UCK1: variants seen among roughly 807,000 people sequenced by gnomAD.
UCK1 encodes the protein cytidine monophosphokinase 1.
In UCK1, 20 loss-of-function variants were observed where a neutral mutation model predicts 34.0. The ratio of observed to expected loss-of-function variants is 0.59; its 90% CI spans 0.41 to 0.86. UCK1 has a LOEUF of 0.86. Ranked by LOEUF, UCK1 falls within the 40% of genes least tolerant of loss-of-function variation. The pLI, the probability that UCK1 is intolerant of heterozygous loss-of-function variation, is 0.00. For synonymous variants in UCK1, 168 were observed against 155.9 expected, an observed-to-expected ratio of 1.08 and a Z score of -0.58; for missense variants, 343 against 383.6, an observed-to-expected ratio of 0.89 and a Z score of 0.88.
chr9:131,528,895 T>C (rs747011188), intron 5 of UCK1, 49 bp downstream of exon 5: 22 of 1,603,296 alleles, frequency 1.4e-5, no homozygotes, highest in Admixed American at 8.5e-5. Flanking sequence ...GGGTCCCATG[T>C]GTCCTTGTGA....
chr9:131,528,873 T>G, intron 5 of UCK1, 71 bp downstream of exon 5: 2 of 1,564,650 alleles, frequency 1.3e-6, no homozygotes, highest in Non-Finnish European at 8.7e-7. Context: ...CACTAAGCCC[T>G]CTCACAGTAC....
chr9:131,526,355 C>A (rs1950603355), intron 5 of UCK1: 1 of 1,178,854 alleles, frequency 8.5e-7, no homozygotes, highest in Non-Finnish European at 1.1e-6. Flanking sequence ...CCTCTGGAAT[C>A]ATGAAGCTTC....
Position 131,531,087 on chromosome 9 carries a change from C to A in UCK1, c.88G>T (p.Gly30Cys). The change falls in exon 1 of 7, where the codon GGC (glycine) becomes TGC (cysteine). Residue 30 changes from glycine to cysteine, a missense_variant. Gly to Cys is a radical substitution (Grantham distance 159, BLOSUM62 -3). Coordinates refer to ENST00000372215, the MANE Select transcript of UCK1 (RefSeq NM_031432.5). ...HQRPFLIGVS[G>C]GTASGKSTVC... is the part of the protein sequence containing the mutation. Reference sequence around the variant, plus strand: ...CTTACCTTCCCGCTGGCAGTGCCGCCGCTCACCCCTATCAGGAAGGGCCGC... The same window carrying A: ...CTTACCTTCCCGCTGGCAGTGCCGCAGCTCACCCCTATCAGGAAGGGCCGC... 7.0e-7 allele frequency: 1 copy of A among 1,430,442 alleles called. No homozygotes were observed. The highest frequency in any genetic ancestry group is 9.1e-7 in the Non-Finnish European group (1 of 1,094,292). The allele number at this position is 1,430,442 out of a possible 1,614,324, so 88.6% of individuals were successfully genotyped here.
intron 1 of UCK1, 98 bp downstream of exon 1, chr9:131,530,969 G>A: frequency 8.8e-7 from 1 of 1,134,426 alleles, no homozygotes; most frequent in Non-Finnish European, 1.1e-6. Context: ...CCCCTGCCTG[G>A]CAGGGGGCCC....
At chr9:131,529,665 A>C in intron 2 of UCK1, 81 bp from the exon 3 acceptor site, 1 of 1,340,176 alleles carries the variant, frequency 7.5e-7, no homozygotes, top group Non-Finnish European at 1.1e-6. Context: ...CTCTGGGGTC[A>C]GCACAGCTGG....
Position 131,524,182 on chromosome 9 carries a change from C to G in UCK1, c.*858G>C, listed in dbSNP as rs1187450229. Reference sequence around the variant, plus strand: ...ACCATTCCCTGCATATGGCCACTAGCCACCCTGGGGTGGGACAGCCTGTCT... The same window carrying G: ...ACCATTCCCTGCATATGGCCACTAGGCACCCTGGGGTGGGACAGCCTGTCT... On this transcript the variant is annotated 3_prime_UTR_variant, in exon 7 of 7. Coordinates refer to ENST00000372215, the MANE Select transcript of UCK1 (RefSeq NM_031432.5). The G allele has an allele frequency of 6.6e-6, 1 of 152,322 alleles. No individual in the cohort carries two copies. Among genetic ancestry groups the G allele is most frequent in the African/African-American group, 2.4e-5 (1 of 41,466 alleles). 9.4% of individuals were successfully genotyped at this position (152,322 alleles called of 1,614,324 possible). A position where few individuals can be genotyped will look rare whatever the true frequency, so the allele number is the denominator to read the frequency against.
At position 131,524,956 on chromosome 9, in the gene UCK1, CAGTG is replaced by C. The variant is rs1396147699; in HGVS notation, c.*80_*83del. 6.7e-7 allele frequency: 1 copy of C among 1,501,966 alleles called. No individual in the cohort carries two copies. The highest frequency in any genetic ancestry group is 9.0e-7 in the Non-Finnish European group (1 of 1,114,314). 93.0% of individuals were successfully genotyped at this position (1,501,966 alleles called of 1,614,324 possible). A position where few individuals can be genotyped will look rare whatever the true frequency, so the allele number is the denominator to read the frequency against. ...TCCCCTGGGGTGCGCCGAGAGGAAG[CAGTG>C]GGTGTGGGTGGGCGTCCCCAGGCTC... is the stretch of plus-strand genomic sequence containing the variant. On this transcript the variant is annotated 3_prime_UTR_variant, in exon 7 of 7. Coordinates refer to ENST00000372215, the MANE Select transcript of UCK1 (RefSeq NM_031432.5).
chr9:131,529,715 G>C (rs1950757510), intron 2 of UCK1, 131 bp from the exon 3 acceptor site: 15 of 726,172 alleles, frequency 2.1e-5, no homozygotes, highest in Non-Finnish European at 4.7e-6. Flanking sequence ...GGTAGACTAG[G>C]ACTACGGCAG....
intron 1 of UCK1, 54 bp downstream of exon 1, chr9:131,531,013 G>A: frequency 7.7e-7 from 1 of 1,307,030 alleles, no homozygotes; most frequent in South Asian, 2.0e-5. Flanking sequence ...CTCTGGACCG[G>A]GCCGCCCGTA....
chr9:131,524,824 T>A lies in UCK1; in HGVS notation c.*216A>T, dbSNP rs1564402996. 2 of 565,830 alleles carry A rather than the reference T, an allele frequency of 3.5e-6. No individual in the cohort carries two copies. Among genetic ancestry groups the A allele is most frequent in the Non-Finnish European group, 6.1e-6 (2 of 326,846 alleles). The allele number at this position is 565,830 out of a possible 1,614,324, so 35.1% of individuals were successfully genotyped here. ...AGGGATCTTTAAACCGCAACGAGCC[T>A]AAGTGGCTGAAAACCTCAGGAACGC... On this transcript the variant is annotated 3_prime_UTR_variant, in exon 7 of 7. Coordinates refer to ENST00000372215, the MANE Select transcript of UCK1 (RefSeq NM_031432.5).
At position 131,530,618 on chromosome 9, in the gene UCK1, A is replaced by G. The variant is rs1950798104; in HGVS notation, c.136T>C (p.Leu46=). 1.2e-6 allele frequency: 2 copies of G among 1,613,890 alleles called. No individual in the cohort carries two copies. Among genetic ancestry groups the G allele is most frequent in the African/African-American group, 1.3e-5 (1 of 74,858 alleles). ...TGTTCCACCTCGTTCTGTCCCAGCAACTCCATGATCTTCTCACACACGGTC... is the reference window on the plus strand; with the variant it reads ...TGTTCCACCTCGTTCTGTCCCAGCAGCTCCATGATCTTCTCACACACGGTC... The part of the protein sequence containing the change: ...KSTVCEKIME[L]LGQNEVEQRQ... The change falls in exon 2 of 7, where the codon TTG becomes CTG. Residue 46 remains leucine (L), a synonymous_variant. Transcript: ENST00000372215.
At position 131,531,064 on chromosome 9, in the gene UCK1, T is replaced by G; in HGVS notation, c.108+3A>C. On this transcript the variant is annotated splice_donor_region_variant and intron_variant, in intron 1 of 6. Coordinates refer to ENST00000372215, the MANE Select transcript of UCK1 (RefSeq NM_031432.5). The stretch of plus-strand genomic sequence containing the variant: ...CGAGACCCCGGCCCGCTCGGCCCCT[T>G]ACCTTCCCGCTGGCAGTGCCGCCGC... 7.2e-7 allele frequency: 1 copy of G among 1,393,294 alleles called. No homozygotes were observed. The highest frequency in any genetic ancestry group is 3.1e-5 in the East Asian group (1 of 32,310). The allele number at this position is 1,393,294 out of a possible 1,614,324, so 86.3% of individuals were successfully genotyped here.
At position 131,529,495 on chromosome 9, in the gene UCK1, G is replaced by T. The variant is rs1330983437; in HGVS notation, c.358C>A (p.His120Asn). The part of the protein sequence containing the change: ...VEVPTYDFVT[H>N]SRLPETTVVY... ...CTAGAACCACCTGCTTACCTTGAGT[G>T]TGTCACAAAATCATAGGTCGGCACC... The change falls in exon 3 of 7, where the codon CAC (histidine) becomes AAC (asparagine). Residue 120 changes from histidine to asparagine, a missense_variant. His to Asn is a moderately conservative substitution (Grantham distance 68). Transcript: ENST00000372215. 6.2e-7 allele frequency: 1 copy of T among 1,614,168 alleles called. No individual in the cohort carries two copies. The highest frequency in any genetic ancestry group is 8.5e-7 in the Non-Finnish European group (1 of 1,180,018).
At chr9:131,528,785 T>A in intron 5 of UCK1, 159 bp downstream of exon 5, 1 of 826,786 alleles carries the variant, frequency 1.2e-6, no homozygotes, top group Non-Finnish European at 1.9e-6. Flanking sequence ...TTTTTACAGC[T>A]GAGAACTACT....
Position 131,531,207 on chromosome 9 carries a change from C to G in UCK1, c.-33G>C. On this transcript the variant is annotated 5_prime_UTR_variant, in exon 1 of 7. Coordinates refer to ENST00000372215, the MANE Select transcript of UCK1 (RefSeq NM_031432.5). ...TCCGCTCCCGCGCATCGGGTCCCCG[C>G]GCCCGCCCCTTCCCCAGGCCCGGCG... is the stretch of plus-strand genomic sequence containing the variant. 7.3e-7 allele frequency: 1 copy of G among 1,362,410 alleles called. No homozygotes were observed. Among genetic ancestry groups the G allele is most frequent in the South Asian group, 1.7e-5 (1 of 60,520 alleles). The allele number at this position is 1,362,410 out of a possible 1,614,324, so 84.4% of individuals were successfully genotyped here. A position where few individuals can be genotyped will look rare whatever the true frequency, so the allele number is the denominator to read the frequency against.
At chr9:131,528,894 G>A (rs1950713997) in intron 5 of UCK1, 50 bp downstream of exon 5, 1 of 1,601,302 alleles carries the variant, frequency 6.2e-7, no homozygotes, top group Non-Finnish European at 8.5e-7. Flanking sequence ...TGGGTCCCAT[G>A]TGTCCTTGTG....
chr9:131,525,268 C>A (rs760277709), intron 6 of UCK1, 47 bp from the exon 7 acceptor site: 2 of 1,610,252 alleles, frequency 1.2e-6, no homozygotes, highest in South Asian at 1.1e-5. Flanking sequence ...ATCCATCCTC[C>A]GTGGAGACCG....
chr9:131,525,175 A>G lies in UCK1; in HGVS notation c.699T>C (p.Gly233=). 6.2e-7 allele frequency: 1 copy of G among 1,614,114 alleles called. No individual in the cohort carries two copies. The highest frequency in any genetic ancestry group is 1.3e-5 in the African/African-American group (1 of 75,066). ...IVQHIQDILN[G]DICKWHRGGS... ...CTCCTCGGTGCCATTTGCAGATGTCACCATTCAGAATGTCCTGGATGTGCT... is the reference window on the plus strand; with the variant it reads ...CTCCTCGGTGCCATTTGCAGATGTCGCCATTCAGAATGTCCTGGATGTGCT... Residue 233 remains glycine (G), a synonymous_variant, in exon 7 of 7, where the codon GGT becomes GGC. Transcript: ENST00000372215.
Position 131,528,005 on chromosome 9 carries a change from C to T in UCK1, c.603+939G>A, listed in dbSNP as rs574538258. Among the ~76,000 whole-genome samples, 19 of 152,324 alleles carry T rather than the reference C, an allele frequency of 1.2e-4. 1 individual carries two copies. In the South Asian group the frequency reaches 3.9e-3, roughly 32 times the overall value. ...CCCAGCCAACATGGCAAAACCCCAT[C>T]TCCACTAAAAATACAAAAATTAGCT... On this transcript the variant is annotated intron_variant, in intron 5 of 6. Coordinates refer to ENST00000372215, the MANE Select transcript of UCK1 (RefSeq NM_031432.5).
Sources: gnomAD v4.1 joint callset for allele counts (sites outside exome capture counted in the v4.1 genomes callset) on GRCh38, gnomAD v4.1.1 for gene constraint, MANE v1.5 for transcripts, NCBI Gene and HGNC (gene_info 2026-07-23, HGNC 2026-07-21) for gene names.